Variants in DMRT1 observed in about 807,000 individuals in gnomAD.
The protein encoded by DMRT1 is doublesex and mab-3 related transcription factor 1.
A neutral mutation model predicts 32.3 loss-of-function variants in DMRT1; 7 were observed. The ratio of observed to expected loss-of-function variants is 0.22; its 90% CI spans 0.12 to 0.41. The LOEUF is 0.41. Among genes scored for constraint, DMRT1 ranks in the 10% least tolerant of loss-of-function variants. The probability of loss-of-function intolerance (pLI) is 1.00; values close to 1 mark genes in which losing one functional copy is unlikely to be tolerated. For missense variants in DMRT1, 625 were observed against 500.5 expected, an observed-to-expected ratio of 1.25 and a Z score of -2.37; for synonymous variants, 278 against 206.1, an observed-to-expected ratio of 1.35 and a Z score of -2.99.
At chr9:864,052 G>A (rs1387039849) in intron 2 of DMRT1, among the ~76,000 whole-genome samples, 4 of 152,030 alleles carry the variant, frequency 2.6e-5, no homozygotes, top group South Asian at 2.1e-4. Flanking sequence ...CTGAGTCCTC[G>A]TCACTGCACT....
At chr9:943,263 T>G (rs906489738) in intron 4 of DMRT1, among the ~76,000 whole-genome samples, 6 of 152,226 alleles carry the variant, frequency 3.9e-5, no homozygotes. Context: ...AGTATTTACC[T>G]TCCCATCGGC....
At chr9:843,878 A>G (rs188337049) in intron 1 of DMRT1, among the ~76,000 whole-genome samples, 1 of 152,340 alleles carries the variant, frequency 6.6e-6, no homozygotes, top group African/African-American at 2.4e-5. Context: ...AGTCATGAAA[A>G]TAGATATTGT....
chr9:845,002 G>GT (rs1695218733), intron 1 of DMRT1, among the ~76,000 whole-genome samples: 1 of 152,062 alleles, frequency 6.6e-6, no homozygotes, highest in Admixed American at 6.6e-5. Flanking sequence ...GATTACAGGC[G>GT]TGAGCCACTG....
intron 2 of DMRT1, among the ~76,000 whole-genome samples, chr9:877,218 G>A (rs545183202): frequency 6.6e-6 from 1 of 152,168 alleles, no homozygotes; most frequent in African/African-American, 2.4e-5. Context: ...TTCTTTTAAT[G>A]TCAAAGAAGC....
intron 4 of DMRT1, among the ~76,000 whole-genome samples, chr9:921,380 T>C (rs576652517): frequency 1.2e-4 from 18 of 152,338 alleles, no homozygotes; most frequent in Non-Finnish European, 1.9e-4. Context: ...ACATTTTGTT[T>C]AGCCGTTCAT....
intron 2 of DMRT1, among the ~76,000 whole-genome samples, chr9:864,691 A>T (rs1962755): frequency 1.3e-5 from 2 of 151,004 alleles, no homozygotes; most frequent in African/African-American, 2.4e-5. Context: ...TAGTAGAGAC[A>T]GGGTTTCACC....
intron 4 of DMRT1, among the ~76,000 whole-genome samples, chr9:929,253 G>A (rs982726704): frequency 6.6e-6 from 1 of 152,092 alleles, no homozygotes; most frequent in Admixed American, 6.5e-5. Flanking sequence ...ACAAAGGATT[G>A]CAGTACCTTC....
At position 841,998 on chromosome 9, in the gene DMRT1, G is replaced by C. The variant is rs781134559; in HGVS notation, c.160G>C (p.Gly54Arg). 6.4e-7 allele frequency: 1 copy of C among 1,562,408 alleles called. No individual in the cohort carries two copies. The highest frequency in any genetic ancestry group is 1.2e-5 in the South Asian group (1 of 86,092). ...GSSAGGSSRG[G>R]GSGSGASDLG... ...GAGCGCCGGGGGCAGCAGCAGAGGA[G>C]GCGGCTCCGGCTCCGGGGCGTCGGA... is the stretch of plus-strand genomic sequence containing the variant. The change falls in exon 1 of 5, where the codon GGC (glycine) becomes CGC (arginine). Residue 54 changes from glycine to arginine, a missense_variant. By Grantham distance (125) the Gly-to-Arg change is moderately radical. Around this residue, in one of 3 missense-constraint regions of DMRT1, gnomAD observed 201 missense variants for 152.0 expected, o/e 1.32. Coordinates refer to ENST00000382276, the MANE Select transcript of DMRT1 (RefSeq NM_021951.3).
intron 2 of DMRT1, among the ~76,000 whole-genome samples, chr9:864,735 T>C (rs7019164): frequency 0.14 from 19,934 of 146,732 alleles, 1,783 homozygotes; most frequent in African/African-American, 0.26. Context: ...CTCCTAACCT[T>C]GCGATCCGCC....
intron 2 of DMRT1, among the ~76,000 whole-genome samples, chr9:862,178 C>T (rs1332078377): frequency 2.7e-5 from 4 of 150,930 alleles, no homozygotes; most frequent in South Asian, 2.1e-4. Context: ...TGTAGCGAGC[C>T]GAGATCACGC....
chr9:893,813 T>G, intron 2 of DMRT1, 99 bp from the exon 3 acceptor site: 1 of 1,102,014 alleles, frequency 9.1e-7, no homozygotes, highest in Non-Finnish European at 1.4e-6. Flanking sequence ...CATATTCAGC[T>G]ACCTTGCTCC....
chr9:942,512 A>T (rs1476450849), intron 4 of DMRT1, among the ~76,000 whole-genome samples: 1 of 152,244 alleles, frequency 6.6e-6, no homozygotes, highest in East Asian at 1.9e-4. Context: ...AGCTCAAGTG[A>T]TCTGCTTGCC....
intron 4 of DMRT1, among the ~76,000 whole-genome samples, chr9:936,209 G>A (rs1818880572): frequency 6.6e-6 from 1 of 152,124 alleles, no homozygotes. Context: ...TTATTTACTT[G>A]GGAGTCAAGA....
At chr9:897,385 G>T (rs145556073) in intron 3 of DMRT1, among the ~76,000 whole-genome samples, 1 of 151,918 alleles carries the variant, frequency 6.6e-6, no homozygotes, top group Non-Finnish European at 1.5e-5. Flanking sequence ...CAAAGTGCTG[G>T]GATTACAGGC....
chr9:920,909 A>AAACAAACT (rs1266621382), intron 4 of DMRT1, among the ~76,000 whole-genome samples: 1 of 152,172 alleles, frequency 6.6e-6, no homozygotes, highest in Non-Finnish European at 1.5e-5. Flanking sequence ...AATAGAGAGG[A>AAACAAACT]AACAAACTTT....
intron 2 of DMRT1, among the ~76,000 whole-genome samples, chr9:886,590 C>T (rs1816940086): frequency 6.6e-6 from 1 of 151,690 alleles, no homozygotes; most frequent in Non-Finnish European, 1.5e-5. Flanking sequence ...TTTTTTTTTC[C>T]TGTGGCTCAG....
At chr9:911,844 C>A (rs1349647346) in intron 3 of DMRT1, among the ~76,000 whole-genome samples, 1 of 152,102 alleles carries the variant, frequency 6.6e-6, no homozygotes, top group Non-Finnish European at 1.5e-5. Context: ...CACTTAGAAA[C>A]ACATAGAACT....
In DMRT1 at chr9:894,080, C is replaced by T; in HGVS notation, c.707C>T (p.Ala236Val). 1 of 1,614,260 alleles carries T rather than the reference C, an allele frequency of 6.2e-7. No individual in the cohort carries two copies. Among genetic ancestry groups the T allele is most frequent in the Non-Finnish European group, 8.5e-7 (1 of 1,180,048 alleles). The change falls in exon 3 of 5, where the codon GCT (alanine) becomes GTT (valine). Residue 236 changes from alanine (A) to valine (V), a missense_variant. This residue lies in a region of DMRT1 where 416 missense variants were observed against 321.6 expected (regional missense o/e 1.29). Coordinates refer to ENST00000382276, the MANE Select transcript of DMRT1 (RefSeq NM_021951.3). ...TGCCCGCAGTACTCCATGGCCTTGGCTGCTGATTCTGCTTCTGGGGAGGTG... is the reference window on the plus strand; with the variant it reads ...TGCCCGCAGTACTCCATGGCCTTGGTTGCTGATTCTGCTTCTGGGGAGGTG... ...YNCPQYSMAL[A>V]ADSASGEVGN...
Position 935,049 on chromosome 9 carries a change from A to G in DMRT1, c.967+18142A>G, listed in dbSNP as rs571569427. On this transcript the variant is annotated intron_variant, in intron 4 of 4. Coordinates refer to ENST00000382276, the MANE Select transcript of DMRT1 (RefSeq NM_021951.3). ...CCAGGGAAGGGAATCCTCCAAAATC[A>G]TTTATAATAGAAGCAGTGAGAATAG... Among the ~76,000 whole-genome samples the G allele has an allele frequency of 7.9e-4, 120 of 152,358 alleles. 1 individual carries two copies. The highest frequency in any genetic ancestry group is 1.5e-3 in the Non-Finnish European group (103 of 68,038).
Sources: gnomAD v4.1 joint callset for allele counts (sites outside exome capture counted in the v4.1 genomes callset) on GRCh38, gnomAD v4.1.1 for gene constraint, gnomAD v4.1.1 regional missense constraint, MANE v1.5 for transcripts, NCBI Gene and HGNC (gene_info 2026-07-23, HGNC 2026-07-21) for gene names.